The following VAV3 variants were observed in gnomAD, a reference collection of about 807,000 sequenced individuals.
VAV3 encodes vav guanine nucleotide exchange factor 3.
In VAV3, 94 loss-of-function variants were observed where a neutral mutation model predicts 131.2. That is an observed-to-expected ratio of 0.72 (90% CI 0.61 to 0.85). The LOEUF (loss-of-function observed/expected upper bound fraction) is 0.85, where lower values mean the gene tolerates loss of function less well. VAV3 is among the 40% of genes least tolerant of loss of function. VAV3 has a pLI of 0.00. For synonymous variants in VAV3, 349 were observed against 342.0 expected, an observed-to-expected ratio of 1.02 and a Z score of -0.22; for missense variants, 939 against 1,002.7, an observed-to-expected ratio of 0.94 and a Z score of 0.86.
chr1:107,586,534 A>T (rs565759668), intron 25 of VAV3, among the ~76,000 whole-genome samples: 2 of 152,310 alleles, frequency 1.3e-5, no homozygotes, highest in South Asian at 4.1e-4. Flanking sequence ...TGAATAAAGA[A>T]AAATCTGAGC....
chr1:107,616,107 C>A (rs964155133), intron 21 of VAV3, among the ~76,000 whole-genome samples: 1 of 152,058 alleles, frequency 6.6e-6, no homozygotes, highest in African/African-American at 2.4e-5. Flanking sequence ...TGGGTATATA[C>A]CCAAAGAAAT....
chr1:107,747,614 G>C (rs890170134), intron 15 of VAV3, among the ~76,000 whole-genome samples: 2 of 152,010 alleles, frequency 1.3e-5, no homozygotes, highest in Non-Finnish European at 2.9e-5. Flanking sequence ...ATATCACATA[G>C]CTGTAGCTGC....
At chr1:107,734,329 C>T (rs1157261990) in intron 15 of VAV3, among the ~76,000 whole-genome samples, 1 of 152,192 alleles carries the variant, frequency 6.6e-6, no homozygotes, top group Non-Finnish European at 1.5e-5. Flanking sequence ...CAGCTAACCT[C>T]ATAATGACAG....
chr1:107,801,091 T>C (rs1666808293), intron 2 of VAV3, among the ~76,000 whole-genome samples: 1 of 152,194 alleles, frequency 6.6e-6, no homozygotes, highest in Admixed American at 6.5e-5. Context: ...GCCCACTGTA[T>C]GTTCTTGGAG....
At chr1:107,776,416 G>A (rs1219568574) in intron 4 of VAV3, among the ~76,000 whole-genome samples, 2 of 152,176 alleles carry the variant, frequency 1.3e-5, no homozygotes, top group Non-Finnish European at 2.9e-5. Context: ...AGGGGGTGGT[G>A]GCAATTTTAG....
At position 107,745,804 on chromosome 1, in the gene VAV3, C is replaced by A. The variant is rs189256874; in HGVS notation, c.1502+3164G>T. 3.0e-3 allele frequency among the ~76,000 whole-genome samples: 459 copies of A among 152,282 alleles called. 4 individuals carry two copies. The highest frequency in any genetic ancestry group is 6.8e-3 in the Middle Eastern group (2 of 294). The stretch of plus-strand genomic sequence containing the variant: ...TAAATAGAAATGGCAAGCATTTCAA[C>A]ACTCTTAAAAATATCAGCTCCCTTG... On this transcript the variant is annotated intron_variant, in intron 15 of 26. Coordinates refer to ENST00000370056, the MANE Select transcript of VAV3 (RefSeq NM_006113.5).
intron 19 of VAV3, among the ~76,000 whole-genome samples, chr1:107,655,758 GA>G (rs1283863469): frequency 1.3e-5 from 2 of 151,880 alleles, no homozygotes; most frequent in Admixed American, 1.3e-4. Flanking sequence ...CAACTAAGAA[GA>G]AACAAATAAT....
At chr1:107,782,722 A>T (rs989362951) in intron 2 of VAV3, among the ~76,000 whole-genome samples, 2 of 152,322 alleles carry the variant, frequency 1.3e-5, no homozygotes, top group South Asian at 4.1e-4. Flanking sequence ...TTTTTAGAAC[A>T]ATGTGTATTC....
intron 17 of VAV3, among the ~76,000 whole-genome samples, chr1:107,692,081 G>C (rs567998297): frequency 2.0e-5 from 3 of 152,106 alleles, no homozygotes; most frequent in African/African-American, 4.8e-5. Context: ...CTCAACAGGG[G>C]CCACAGAAAA....
In VAV3 at chr1:107,704,537, A is replaced by C; in HGVS notation, c.1705+13T>G. Reference sequence around the variant, plus strand: ...TCATTAAAAACAGAATTGCAACAATAAACATGACTTACCACCAGAATTAAC... The same window carrying C: ...TCATTAAAAACAGAATTGCAACAATCAACATGACTTACCACCAGAATTAAC... On this transcript the variant is annotated intron_variant, in intron 17 of 26. Coordinates refer to ENST00000370056, the MANE Select transcript of VAV3 (RefSeq NM_006113.5). The C allele has an allele frequency of 2.5e-6, 4 of 1,604,868 alleles. No homozygotes were observed. Among genetic ancestry groups the C allele is most frequent in the Non-Finnish European group, 3.4e-6 (4 of 1,172,542 alleles).
At chr1:107,854,365 C>T (rs896489968) in intron 2 of VAV3, among the ~76,000 whole-genome samples, 5 of 152,014 alleles carry the variant, frequency 3.3e-5, no homozygotes, top group Admixed American at 6.6e-5. Flanking sequence ...CCGACACCAC[C>T]CTGGGCAAAC....
At chr1:107,623,998 T>C (rs1460031212) in intron 20 of VAV3, among the ~76,000 whole-genome samples, 4 of 152,164 alleles carry the variant, frequency 2.6e-5, no homozygotes, top group Admixed American at 6.6e-5. Flanking sequence ...TATAATTGCA[T>C]CGAGTCATCA....
At chr1:107,602,282 A>G (rs992155701) in intron 24 of VAV3, 115 bp downstream of exon 24, 7 of 641,532 alleles carry the variant, frequency 1.1e-5, no homozygotes, top group Non-Finnish European at 1.7e-5. Flanking sequence ...GAATATGATT[A>G]TCTTTAAATA....
chr1:107,704,866 T>C, intron 16 of VAV3, 94 bp downstream of exon 16: 1 of 1,323,854 alleles, frequency 7.6e-7, no homozygotes, highest in South Asian at 1.2e-5. Flanking sequence ...ATTCCCCACT[T>C]TAGAACCTAT....
chr1:107,817,287 G>A (rs1335798055), intron 2 of VAV3, among the ~76,000 whole-genome samples: 2 of 152,132 alleles, frequency 1.3e-5, no homozygotes, highest in East Asian at 1.9e-4. Flanking sequence ...TGCAGAGAGA[G>A]AGGAGGATTT....
intron 2 of VAV3, among the ~76,000 whole-genome samples, chr1:107,810,786 C>T (rs529932343): frequency 4.0e-5 from 6 of 151,886 alleles, no homozygotes; most frequent in African/African-American, 1.4e-4. Context: ...GATCATCCCA[C>T]AATGAACAGT....
chr1:107,908,601 A>G (rs1672213866), intron 1 of VAV3, among the ~76,000 whole-genome samples: 1 of 152,068 alleles, frequency 6.6e-6, no homozygotes, highest in Non-Finnish European at 1.5e-5. Context: ...TGAGATTTTT[A>G]GTTCACTCTT....
chr1:107,603,066 C>T lies in VAV3; in HGVS notation c.2113G>A (p.Glu705Lys), dbSNP rs151104546. Residue 705 changes from glutamate to lysine, a missense_variant, in exon 23 of 27, where the codon GAA becomes AAA. Coordinates refer to ENST00000370056, the MANE Select transcript of VAV3 (RefSeq NM_006113.5). ...LVRHRTKESG[E>K]YAISIKYNNE... ...ACTTACTTAATGCTAATTGCATATTCTCCTGACTCTTTGGTCCTGTGCCTC... is the reference window on the plus strand; with the variant it reads ...ACTTACTTAATGCTAATTGCATATTTTCCTGACTCTTTGGTCCTGTGCCTC... The T allele has an allele frequency of 3.2e-5, 51 of 1,612,978 alleles. No individual in the cohort carries two copies. In the East Asian group the frequency reaches 8.0e-4, roughly 25 times the overall value.
At chr1:107,699,639 C>T (rs1659970560) in intron 17 of VAV3, among the ~76,000 whole-genome samples, 2 of 152,230 alleles carry the variant, frequency 1.3e-5, no homozygotes, top group South Asian at 4.1e-4. Context: ...TCCATGAGGG[C>T]CCTGACCCTG....
Sources: allele counts gnomAD v4.1 joint callset (sites outside exome capture counted in the v4.1 genomes callset), GRCh38; gene constraint gnomAD v4.1.1; transcripts MANE v1.5; gene names NCBI Gene and HGNC (gene_info 2026-07-23, HGNC 2026-07-21).